CARS2: variants seen among roughly 807,000 people sequenced by gnomAD.
CARS2 encodes probable cysteine--tRNA ligase, mitochondrial.
Under a neutral mutation model 68.8 loss-of-function variants are expected in CARS2, and 52 were observed. That is an observed-to-expected ratio of 0.76 (90% confidence interval 0.61 to 0.95). The LOEUF is 0.95. Among genes scored for constraint, CARS2 ranks in the 40% least tolerant of loss-of-function variants. CARS2 has a pLI of 0.00. For synonymous variants in CARS2, 314 were observed against 303.6 expected (o/e 1.03, Z -0.36); for missense variants, 780 against 754.2 (o/e 1.03, Z -0.40).
intron 6 of CARS2, among the ~76,000 whole-genome samples, chr13:110,682,080 C>G (rs923919056): frequency 2.0e-5 from 3 of 151,976 alleles, no homozygotes; most frequent in African/African-American, 7.2e-5. Context: ...CTGGGCAAAG[C>G]TGATGCGTCA....
chr13:110,651,413 G>C (rs1566654574), intron 9 of CARS2, among the ~76,000 whole-genome samples: 2 of 152,212 alleles, frequency 1.3e-5, no homozygotes, highest in Admixed American at 1.3e-4. Context: ...CTTTCTGCAC[G>C]ACAGGGACGT....
chr13:110,654,091 C>T (rs1245918411), intron 9 of CARS2, among the ~76,000 whole-genome samples: 5 of 152,168 alleles, frequency 3.3e-5, no homozygotes, highest in Non-Finnish European at 7.3e-5. Flanking sequence ...AGTGAGCTCA[C>T]GAGGTAACAG....
intron 9 of CARS2, among the ~76,000 whole-genome samples, chr13:110,660,289 C>A (rs1327700427): frequency 6.6e-6 from 1 of 152,184 alleles, no homozygotes; most frequent in Non-Finnish European, 1.5e-5. Flanking sequence ...CAAAGTCAAC[C>A]ATGAGAGTTG....
At chr13:110,701,370 C>A in intron 3 of CARS2, 68 bp downstream of exon 3, 1 of 814,494 alleles carries the variant, frequency 1.2e-6, no homozygotes, top group South Asian at 1.4e-5. Flanking sequence ...GGCCAAGAAC[C>A]ACTTTCAGGA....
Position 110,667,449 on chromosome 13 carries a change from A to T in CARS2, c.810T>A (p.Asp270Glu). ...CTAAATCTATCCCACCTGAATGGAT[A>T]TCCAGTTGACTTCCAAATACCATAC... The part of the protein sequence containing the change: ...IASMVFGSQL[D>E]IHSGGIDLAF... The change falls in exon 8 of 15, where the codon GAT becomes GAA. Residue 270 changes from aspartate (D) to glutamate (E), a missense_variant. Physicochemically the swap from Asp to Glu is conservative, Grantham distance 45. Coordinates refer to ENST00000257347, the MANE Select transcript of CARS2 (RefSeq NM_024537.4). 1 of 1,613,932 alleles carries T rather than the reference A, an allele frequency of 6.2e-7. No homozygotes were observed. The highest frequency in any genetic ancestry group is 8.5e-7 in the Non-Finnish European group (1 of 1,179,848).
In CARS2 at chr13:110,654,084, G is replaced by A. The variant is rs186727693; in HGVS notation, c.988-2984C>T. On this transcript the variant is annotated intron_variant, in intron 9 of 14. Transcript: ENST00000257347. ...GGTAACAAGCCATGTGAGCCCCAGT[G>A]AGCTCACGAGGTAACAGGGTGCACA... Among the ~76,000 whole-genome samples the A allele has an allele frequency of 1.2e-4, 18 of 152,320 alleles. 1 individual carries two copies. The East Asian group carries it at 3.5e-3, about 29-fold the overall frequency.
chr13:110,656,159 T>C (rs917614295), intron 9 of CARS2, among the ~76,000 whole-genome samples: 6 of 152,042 alleles, frequency 3.9e-5, no homozygotes, highest in African/African-American at 1.4e-4. Context: ...AAAAATTAGC[T>C]GGGTGTGGTG....
At chr13:110,647,652 CT>C (rs1888326805) in intron 10 of CARS2, among the ~76,000 whole-genome samples, 1 of 86,628 alleles carries the variant, frequency 1.2e-5, no homozygotes, top group African/African-American at 7.4e-5. Flanking sequence ...AGGGAAGGCC[CT>C]CCCGAGGGAA....
intron 13 of CARS2, chr13:110,642,913 T>C (rs1280688820): frequency 2.4e-6 from 1 of 417,594 alleles, no homozygotes; most frequent in Non-Finnish European, 4.6e-6. Context: ...CTTGCACACG[T>C]GTGTTTCGGC....
intron 9 of CARS2, among the ~76,000 whole-genome samples, chr13:110,662,256 C>T (rs896771320): frequency 4.7e-5 from 7 of 150,180 alleles, no homozygotes; most frequent in South Asian, 2.1e-4. Context: ...CCTCTCTCTG[C>T]GTCATGCAAC....
chr13:110,654,486 G>A (rs1454101772), intron 9 of CARS2, among the ~76,000 whole-genome samples: 4 of 152,042 alleles, frequency 2.6e-5, no homozygotes, highest in Admixed American at 2.6e-4. Flanking sequence ...ACATCTCCAA[G>A]GAACTATGGG....
At chr13:110,661,191 T>C (rs555299076) in intron 9 of CARS2, among the ~76,000 whole-genome samples, 7 of 152,240 alleles carry the variant, frequency 4.6e-5, no homozygotes, top group Non-Finnish European at 5.9e-5. Flanking sequence ...AAGCCAGCCA[T>C]TGACTTCTTT....
chr13:110,664,877 C>T (rs1036161374), intron 8 of CARS2: 18 of 522,370 alleles, frequency 3.4e-5, no homozygotes, highest in African/African-American at 1.5e-4. Flanking sequence ...CCCGAGACAC[C>T]GAGTCTGCCA....
intron 3 of CARS2, among the ~76,000 whole-genome samples, chr13:110,700,910 A>C: frequency 6.6e-6 from 1 of 152,228 alleles, no homozygotes. Flanking sequence ...AAAAGCCTTC[A>C]GCGATCACAA....
Position 110,647,215 on chromosome 13 carries a change from A to AT in CARS2, c.1078dup (p.Met360AsnfsTer54). 8.7e-6 allele frequency: 14 copies of AT among 1,613,214 alleles called. No individual in the cohort carries two copies. Among genetic ancestry groups the AT allele is most frequent in the Non-Finnish European group, 1.2e-5 (14 of 1,179,792 alleles). ...CAGGAGCAGCTGCTGAGCTTGGAGC[A>AT]TGGCGCTGTCACTGTAGTCGATGGC... On this transcript the variant is annotated frameshift_variant, in exon 11 of 15. Transcript: ENST00000257347. LOFTEE classifies it high-confidence loss of function.
chr13:110,710,251 C>T (rs551633534), upstream of CARS2, among the ~76,000 whole-genome samples: 2 of 152,086 alleles, frequency 1.3e-5, no homozygotes, highest in East Asian at 1.9e-4. Context: ...GCATGGCGTC[C>T]GGCACCCGTA....
At chr13:110,677,128 G>A (rs545607309) in intron 6 of CARS2, 25 bp from the exon 7 acceptor site, 1 of 1,581,130 alleles carries the variant, frequency 6.3e-7, no homozygotes, top group Non-Finnish European at 8.6e-7. Context: ...CGGTACATCA[G>A]TGGGAAGAAG....
chr13:110,646,025 A>T lies in CARS2; in HGVS notation c.1259T>A (p.Val420Asp). Reference sequence around the variant, plus strand: ...GTGTGCAAGGCCCAGGATGGCATCAACCACCCTGGGTGTGTCAAAATCATC... The same window carrying T: ...GTGTGCAAGGCCCAGGATGGCATCATCCACCCTGGGTGTGTCAAAATCATC... Reference protein sequence around the residue: ...LADDFDTPRVVDAILGLAHHG... With the variant: ...LADDFDTPRVDDAILGLAHHG... The change falls in exon 12 of 15, where the codon GTT becomes GAT. Residue 420 changes from valine to aspartate, a missense_variant. Val to Asp is a radical substitution (Grantham distance 152, BLOSUM62 -3). Coordinates refer to ENST00000257347, the MANE Select transcript of CARS2 (RefSeq NM_024537.4). The T allele has an allele frequency of 6.2e-7, 1 of 1,613,776 alleles. No individual in the cohort carries two copies. The highest frequency in any genetic ancestry group is 8.5e-7 in the Non-Finnish European group (1 of 1,179,886).
upstream of CARS2, among the ~76,000 whole-genome samples, chr13:110,706,974 AGT>A (rs2063974542): frequency 1.3e-5 from 2 of 151,000 alleles, no homozygotes; most frequent in African/African-American, 4.9e-5. Context: ...ATCCCAATAC[AGT>A]GTGCACTCCA....
Sources: allele counts gnomAD v4.1 joint callset (sites outside exome capture counted in the v4.1 genomes callset), GRCh38; gene constraint gnomAD v4.1.1; transcripts MANE v1.5; gene names NCBI Gene and HGNC (gene_info 2026-07-23, HGNC 2026-07-21).